Variants in TENT2 observed in about 807,000 individuals in gnomAD.
The protein encoded by TENT2 is terminal nucleotidyltransferase 2, also known as poly(A) RNA polymerase GLD2.
TENT2 carries 44 observed loss-of-function variants against 72.2 expected under a neutral mutation model. The observed-to-expected ratio is 0.61, with a 90% CI of 0.48 to 0.78. TENT2 has a LOEUF of 0.78. TENT2 is among the 30% of genes least tolerant of loss of function. The pLI, the probability that TENT2 is intolerant of heterozygous loss-of-function variation, is 0.00. For missense variants in TENT2, 541 were observed against 569.6 expected (o/e 0.95, Z 0.51); for synonymous variants, 212 against 192.5 (o/e 1.10, Z -0.84).
chr5:79,622,054 A>C (rs1042867145), intron 3 of TENT2, among the ~76,000 whole-genome samples: 2 of 152,026 alleles, frequency 1.3e-5, no homozygotes, highest in Non-Finnish European at 2.9e-5. Context: ...TAATCCCAGC[A>C]CTTTGGGAGG....
At chr5:79,637,958 C>G (rs574919689) in intron 4 of TENT2, among the ~76,000 whole-genome samples, 1 of 151,934 alleles carries the variant, frequency 6.6e-6, no homozygotes, top group African/African-American at 2.4e-5. Context: ...CCACTGTTCC[C>G]GGCTAATTTT....
Position 79,628,157 on chromosome 5 carries a change from G to A in TENT2, c.465+4668G>A, listed in dbSNP as rs1054211449. ...TACAAGGTAATCTGTGACAGTGGTA[G>A]CTAATGTTTATTGAGTATCTGTCAT... On this transcript the variant is annotated intron_variant, in intron 4 of 14. Transcript: ENST00000453514. 2.0e-5 allele frequency among the ~76,000 whole-genome samples: 3 copies of A among 152,306 alleles called. No individual in the cohort carries two copies. The East Asian group carries it at 5.8e-4, about 29-fold the overall frequency.
intron 12 of TENT2, among the ~76,000 whole-genome samples, chr5:79,674,968 T>C (rs993423589): frequency 2.0e-5 from 3 of 152,168 alleles, no homozygotes; most frequent in Non-Finnish European, 2.9e-5. Flanking sequence ...TCTGGACCCT[T>C]GACAGGAACA....
intron 7 of TENT2, among the ~76,000 whole-genome samples, chr5:79,644,222 T>C (rs1786874681): frequency 6.6e-6 from 1 of 152,176 alleles, no homozygotes; most frequent in Admixed American, 6.6e-5. Flanking sequence ...CCTCAAGTGA[T>C]ACATCCACCT....
At chr5:79,672,333 T>G (rs1561579330) in intron 12 of TENT2, among the ~76,000 whole-genome samples, 1 of 152,184 alleles carries the variant, frequency 6.6e-6, no homozygotes, top group Non-Finnish European at 1.5e-5. Context: ...TTATCCTGTT[T>G]TAGTTATTTT....
At chr5:79,671,572 TA>T (rs1443316604) in intron 12 of TENT2, among the ~76,000 whole-genome samples, 15 of 151,944 alleles carry the variant, frequency 9.9e-5, no homozygotes, top group Admixed American at 7.9e-4. Flanking sequence ...GCCTGGCTAA[TA>T]TTTTTTTGTA....
chr5:79,652,556 G>T (rs2150211011), intron 10 of TENT2, among the ~76,000 whole-genome samples: 1 of 151,830 alleles, frequency 6.6e-6, no homozygotes, highest in Middle Eastern at 3.4e-3. Flanking sequence ...TGATTTTTTT[G>T]ACTTATCGAG....
At chr5:79,624,482 T>G (rs1384049775) in intron 4 of TENT2, among the ~76,000 whole-genome samples, 5 of 152,004 alleles carry the variant, frequency 3.3e-5, no homozygotes, top group African/African-American at 1.2e-4. Context: ...GTTCAGTGGT[T>G]TTTAAATATA....
intron 4 of TENT2, among the ~76,000 whole-genome samples, chr5:79,634,390 G>A (rs1778373172): frequency 6.6e-6 from 1 of 152,018 alleles, no homozygotes; most frequent in Non-Finnish European, 1.5e-5. Flanking sequence ...AGGCTAGAGT[G>A]CAGTGGTGTG....
intron 4 of TENT2, among the ~76,000 whole-genome samples, chr5:79,637,394 T>G (rs1450308355): frequency 6.6e-6 from 1 of 152,136 alleles, no homozygotes; most frequent in African/African-American, 2.4e-5. Context: ...TATTTGTCTT[T>G]GAGATGGCTT....
intron 14 of TENT2, among the ~76,000 whole-genome samples, chr5:79,684,129 AC>A (rs1418842256): frequency 2.0e-5 from 3 of 152,062 alleles, no homozygotes; most frequent in Non-Finnish European, 4.4e-5. Context: ...CTGACATGAG[AC>A]TAGAATACAA....
At chr5:79,645,481 T>A (rs996870249) in intron 8 of TENT2, among the ~76,000 whole-genome samples, 1 of 152,154 alleles carries the variant, frequency 6.6e-6, no homozygotes, top group Non-Finnish European at 1.5e-5. Context: ...TTTGGAAGTG[T>A]AATGCATTCT....
intron 13 of TENT2, among the ~76,000 whole-genome samples, 194 bp downstream of exon 13, chr5:79,679,864 C>T (rs1820356469): frequency 1.3e-5 from 2 of 152,104 alleles, no homozygotes; most frequent in Non-Finnish European, 2.9e-5. Flanking sequence ...AAACTTTAGG[C>T]ATTCACCCTT....
intron 11 of TENT2, among the ~76,000 whole-genome samples, chr5:79,659,562 A>ATG (rs1800919569): frequency 1.7e-5 from 1 of 58,992 alleles, no homozygotes; most frequent in African/African-American, 1.5e-4. Flanking sequence ...AAATGTATAT[A>ATG]TATATATATA....
At chr5:79,633,628 C>T (rs1408738958) in intron 4 of TENT2, among the ~76,000 whole-genome samples, 2 of 150,308 alleles carry the variant, frequency 1.3e-5, no homozygotes, top group African/African-American at 4.9e-5. Context: ...GTTGGTCAGG[C>T]TGGTCTCGAA....
At chr5:79,646,153 A>G (rs1788786757) in intron 8 of TENT2, among the ~76,000 whole-genome samples, 1 of 152,088 alleles carries the variant, frequency 6.6e-6, no homozygotes, top group Non-Finnish European at 1.5e-5. Flanking sequence ...AATGGCCCCC[A>G]AGCATAGTGT....
At chr5:79,630,115 A>G (rs1434980568) in intron 4 of TENT2, among the ~76,000 whole-genome samples, 2 of 152,196 alleles carry the variant, frequency 1.3e-5, no homozygotes. Flanking sequence ...AGCCTGGGTG[A>G]CAGAGCAGGA....
At position 79,623,285 on chromosome 5, in the gene TENT2, C is replaced by T. The variant is rs763789739; in HGVS notation, c.261C>T (p.Asp87=). The T allele has an allele frequency of 1.6e-5, 25 of 1,612,778 alleles. No individual in the cohort carries two copies. The highest frequency in any genetic ancestry group is 1.6e-4 in the Middle Eastern group (1 of 6,078). ...GCGATGAAAAAAACCTTCCTCTTGA[C>T]GGTAAACGGCAACGTTTCCATTCAC... ...RLSDEKNLPL[D]GKRQRFHSPH... Residue 87 remains aspartate, a synonymous_variant, in exon 4 of 15, where the codon GAC becomes GAT. Transcript: ENST00000453514.
At chr5:79,667,949 GAA>G (rs756337563) in intron 11 of TENT2, among the ~76,000 whole-genome samples, 1 of 137,524 alleles carries the variant, frequency 7.3e-6, no homozygotes, top group Non-Finnish European at 1.6e-5. Flanking sequence ...TTTTTTTAAC[GAA>G]AAAAAAAAAT....
Sources: gnomAD v4.1 joint callset for allele counts (sites outside exome capture counted in the v4.1 genomes callset) on GRCh38, gnomAD v4.1.1 for gene constraint, MANE v1.5 for transcripts, NCBI Gene and HGNC (gene_info 2026-07-23, HGNC 2026-07-21) for gene names.